CCDC178: variants seen among roughly 807,000 people sequenced by gnomAD.
CCDC178 encodes coiled-coil domain containing 178.
A neutral mutation model predicts 117.4 loss-of-function variants in CCDC178; 126 were observed. The ratio of observed to expected loss-of-function variants is 1.07; its 90% confidence interval spans 0.93 to 1.24. The LOEUF is 1.24. Ranked by LOEUF, CCDC178 falls within the 50% of genes most tolerant of loss-of-function variation. The probability of loss-of-function intolerance (pLI) is 0.00; values close to 1 mark genes in which losing one functional copy is unlikely to be tolerated. For synonymous variants in CCDC178, 283 were observed against 313.4 expected, an observed-to-expected ratio of 0.90 and a Z score of 1.02; for missense variants, 1,030 against 986.9, an observed-to-expected ratio of 1.04 and a Z score of -0.59.
At chr18:33,251,000 C>T (rs1186571435) in intron 14 of CCDC178, among the ~76,000 whole-genome samples, 1 of 151,440 alleles carries the variant, frequency 6.6e-6, no homozygotes, top group Non-Finnish European at 1.5e-5. Flanking sequence ...ATAAAAAAAC[C>T]TTCAAATTAA....
rs545623345 is a variant in CCDC178 at position 33,008,321 on chromosome 18, A to T, written c.2389-33640T>A. Reference sequence around the variant, plus strand: ...AAAAATATTGAAGTAACCAGAAAACATTGTCCACAAATTTCCAGCAATGAT... The same window carrying T: ...AAAAATATTGAAGTAACCAGAAAACTTTGTCCACAAATTTCCAGCAATGAT... On this transcript the variant is annotated intron_variant, in intron 21 of 22. Transcript: ENST00000383096. 5.3e-4 allele frequency among the ~76,000 whole-genome samples: 81 copies of T among 152,196 alleles called. 2 individuals are homozygous for T. In the South Asian group the frequency reaches 0.016, roughly 29 times the overall value.
Position 33,293,189 on chromosome 18 carries a change from T to C in CCDC178, c.1146A>G (p.Ser382=), listed in dbSNP as rs772677513. The C allele has an allele frequency of 2.2e-5, 35 of 1,587,632 alleles. No homozygotes were observed. The highest frequency in any genetic ancestry group is 3.0e-5 in the Non-Finnish European group (35 of 1,163,952). Residue 382 remains serine, a synonymous_variant, in exon 12 of 23, where the codon TCA becomes TCG. Coordinates refer to ENST00000383096, the MANE Select transcript of CCDC178 (RefSeq NM_001105528.4). The part of the protein sequence containing the change: ...VTEAIRETKS[S]KNELHSLSKM... ...TTGATAGAGAATGTAATTCATTTTT[T>C]GATGACTTTGTTTCCCTTATTGCTT...
At chr18:32,951,414 C>T (rs747576004) in intron 22 of CCDC178, among the ~76,000 whole-genome samples, 5 of 152,106 alleles carry the variant, frequency 3.3e-5, no homozygotes, top group Non-Finnish European at 7.4e-5. Context: ...GTGGAAGGCA[C>T]CTCTTCACAG....
rs550566104 is a variant in CCDC178, at chr18:33,372,315, T to C, written c.209-2126A>G. Among the ~76,000 whole-genome samples the C allele has an allele frequency of 7.4e-4, 112 of 152,222 alleles. 1 individual carries two copies. The highest frequency in any genetic ancestry group is 2.6e-3 in the African/African-American group (107 of 41,556). ...TTCTACTCAGTTTAGGGTGACAGCA[T>C]GATATAATCAAAAGACAGCTGAACT... On this transcript the variant is annotated intron_variant, in intron 5 of 22. Transcript: ENST00000383096.
chr18:33,359,148 G>A, intron 6 of CCDC178, among the ~76,000 whole-genome samples: 1 of 151,758 alleles, frequency 6.6e-6, no homozygotes, highest in Non-Finnish European at 1.5e-5. Context: ...GCACTTCAAT[G>A]AATTGTGATA....
chr18:33,215,772 A>G, intron 18 of CCDC178, 77 bp from the exon 19 acceptor site: 4 of 1,123,068 alleles, frequency 3.6e-6, no homozygotes, highest in Non-Finnish European at 3.7e-6. Flanking sequence ...ACACAATTAC[A>G]TTGGCTGTGT....
chr18:33,110,299 T>C (rs1378233263), intron 20 of CCDC178, among the ~76,000 whole-genome samples: 1 of 151,630 alleles, frequency 6.6e-6, no homozygotes, highest in Non-Finnish European at 1.5e-5. Context: ...GAGAGTACTT[T>C]GTTGGACATA....
At chr18:33,095,204 C>T (rs923803728) in intron 20 of CCDC178, among the ~76,000 whole-genome samples, 1 of 151,838 alleles carries the variant, frequency 6.6e-6, no homozygotes, top group African/African-American at 2.4e-5. Flanking sequence ...GTACATATAA[C>T]ACTTTCTCAA....
At chr18:33,291,737 T>C (rs918840018) in intron 12 of CCDC178, among the ~76,000 whole-genome samples, 1 of 152,108 alleles carries the variant, frequency 6.6e-6, no homozygotes, top group African/African-American at 2.4e-5. Context: ...CTGCTGATTT[T>C]AGAGATGAAG....
Position 33,328,082 on chromosome 18 carries a change from GATTTTTTTTTTTT to G in CCDC178, c.880-4462_880-4450del, listed in dbSNP as rs1355131037. 3.4e-3 allele frequency: 859 copies of G among 249,092 alleles called. 72 individuals carry two copies. The highest frequency in any genetic ancestry group is 0.024 in the African/African-American group (717 of 30,438). The allele number at this position is 249,092 out of a possible 1,614,324, so 15.4% of individuals were successfully genotyped here. ...CCAAGGTCATAAAGATTTATCCCTA[GATTTTTTTTTTTT>G]TTTTTTTTTTTTTTTTTTTTTTTTT... On this transcript the variant is annotated intron_variant, in intron 10 of 22. Transcript: ENST00000383096.
chr18:33,262,803 T>C (rs1326966143), intron 14 of CCDC178, among the ~76,000 whole-genome samples: 4 of 152,190 alleles, frequency 2.6e-5, no homozygotes, highest in Non-Finnish European at 4.4e-5. Context: ...TTGTAATTGT[T>C]ATTATTTGAC....
intron 2 of CCDC178, among the ~76,000 whole-genome samples, chr18:33,431,241 G>A (rs1303979754): frequency 7.1e-6 from 1 of 141,180 alleles, no homozygotes; most frequent in African/African-American, 2.6e-5. Flanking sequence ...AGTAGAGCAT[G>A]GGAAACTAAC....
chr18:33,091,777 A>C (rs2057471072), intron 21 of CCDC178, among the ~76,000 whole-genome samples: 1 of 152,196 alleles, frequency 6.6e-6, no homozygotes, highest in South Asian at 2.1e-4. Flanking sequence ...ACAGTCGTAT[A>C]GCATCCCTTA....
At chr18:33,377,985 GAC>G (rs2063387508) in intron 5 of CCDC178, among the ~76,000 whole-genome samples, 1 of 152,184 alleles carries the variant, frequency 6.6e-6, no homozygotes, top group Non-Finnish European at 1.5e-5. Context: ...TGTAAAAAAT[GAC>G]ATTGGTAACT....
chr18:33,312,993 C>A (rs1422447125), intron 11 of CCDC178, among the ~76,000 whole-genome samples: 1 of 152,118 alleles, frequency 6.6e-6, no homozygotes, highest in Non-Finnish European at 1.5e-5. Context: ...TAGCTATATG[C>A]AAGAGGAACA....
chr18:32,949,891 G>T (rs2054441854), intron 22 of CCDC178, among the ~76,000 whole-genome samples: 1 of 152,100 alleles, frequency 6.6e-6, no homozygotes, highest in Non-Finnish European at 1.5e-5. Context: ...AAAATAGTTT[G>T]ATCCTTTTAA....
chr18:33,320,458 C>T (rs957901794), intron 11 of CCDC178, among the ~76,000 whole-genome samples: 1 of 152,058 alleles, frequency 6.6e-6, no homozygotes, highest in Admixed American at 6.6e-5. Context: ...AACAGACAAA[C>T]AGAGAGCCAA....
chr18:33,076,820 C>T (rs1011823334), intron 21 of CCDC178, among the ~76,000 whole-genome samples: 2 of 152,162 alleles, frequency 1.3e-5, no homozygotes, highest in African/African-American at 2.4e-5. Context: ...CTGCTACATG[C>T]TAGCAGCTGC....
At chr18:33,028,607 TTTAA>T (rs1243108598) in intron 21 of CCDC178, among the ~76,000 whole-genome samples, 1 of 151,838 alleles carries the variant, frequency 6.6e-6, no homozygotes, top group African/African-American at 2.4e-5. Flanking sequence ...AATTAATGTC[TTTAA>T]TTATTTTCCT....
Sources: allele counts gnomAD v4.1 joint callset (sites outside exome capture counted in the v4.1 genomes callset), GRCh38; gene constraint gnomAD v4.1.1; transcripts MANE v1.5; gene names NCBI Gene and HGNC (gene_info 2026-07-23, HGNC 2026-07-21).